Variants in SLC9A2 observed in about 807,000 individuals in gnomAD.
SLC9A2 encodes solute carrier family 9 member A2.
In SLC9A2, 42 loss-of-function variants were observed where a neutral mutation model predicts 71.7. The observed-to-expected ratio is 0.59, with a 90% confidence interval of 0.46 to 0.76. The LOEUF (loss-of-function observed/expected upper bound fraction) is 0.76, where lower values mean the gene tolerates loss of function less well. Ranked by LOEUF, SLC9A2 falls within the 30% of genes least tolerant of loss-of-function variation. The probability of loss-of-function intolerance (pLI) is 0.00; values close to 1 mark genes in which losing one functional copy is unlikely to be tolerated. For missense variants in SLC9A2, 829 were observed against 1,017.4 expected (o/e 0.81, Z 2.52); for synonymous variants, 396 against 392.5 (o/e 1.01, Z -0.10).
At chr2:102,670,301 C>A (rs528613730) in intron 3 of SLC9A2, among the ~76,000 whole-genome samples, 1 of 152,132 alleles carries the variant, frequency 6.6e-6, no homozygotes, top group South Asian at 2.1e-4. Context: ...CAGGCAGGAG[C>A]CACCACGCCC....
intron 5 of SLC9A2, among the ~76,000 whole-genome samples, chr2:102,687,620 A>G (rs1677572215): frequency 6.6e-6 from 1 of 152,206 alleles, no homozygotes; most frequent in African/African-American, 2.4e-5. Flanking sequence ...AGTTATAACT[A>G]TCTTCAAAAA....
At chr2:102,689,116 T>A (rs564216388) in intron 5 of SLC9A2, among the ~76,000 whole-genome samples, 3 of 152,188 alleles carry the variant, frequency 2.0e-5, no homozygotes, top group African/African-American at 7.2e-5. Context: ...GACTTTATTG[T>A]CCATGACAAG....
At chr2:102,672,802 T>A (rs1677280082) in intron 3 of SLC9A2, among the ~76,000 whole-genome samples, 1 of 152,210 alleles carries the variant, frequency 6.6e-6, no homozygotes, top group Admixed American at 6.5e-5. Flanking sequence ...ATATATATAT[T>A]TTGCAAATTG....
At chr2:102,679,995 C>T (rs1048623068) in intron 3 of SLC9A2, among the ~76,000 whole-genome samples, 4 of 152,108 alleles carry the variant, frequency 2.6e-5, no homozygotes, top group African/African-American at 7.2e-5. Context: ...CTGGAGAAGG[C>T]TGGGTAGTGG....
Position 102,683,450 on chromosome 2 carries a change from G to C in SLC9A2, c.1194G>C (p.Leu398=). 6.2e-7 allele frequency: 1 copy of C among 1,614,200 alleles called. No homozygotes were observed. The highest frequency in any genetic ancestry group is 1.1e-5 in the South Asian group (1 of 91,084). Reference sequence around the variant, plus strand: ...ACTGGGCCTTCGTCTGCTTCACCCTGGCCTTCTGCCTCATGTGGCGAGCCC... The same window carrying C: ...ACTGGGCCTTCGTCTGCTTCACCCTCGCCTTCTGCCTCATGTGGCGAGCCC... ...EWNWAFVCFT[L]AFCLMWRALG... Residue 398 remains leucine, a synonymous_variant, in exon 4 of 12, where the codon CTG becomes CTC. Coordinates refer to ENST00000233969, the MANE Select transcript of SLC9A2 (RefSeq NM_003048.6).
In SLC9A2 at chr2:102,694,412, A is replaced by C; in HGVS notation, c.1426-2A>C. 7.1e-7 allele frequency: 1 copy of C among 1,400,302 alleles called. No individual in the cohort carries two copies. The highest frequency in any genetic ancestry group is 9.7e-7 in the Non-Finnish European group (1 of 1,034,334). 86.7% of individuals were successfully genotyped at this position (1,400,302 alleles called of 1,614,324 possible). On this transcript the variant is annotated splice_acceptor_variant, in intron 5 of 11. Transcript: ENST00000233969. LOFTEE classifies it high-confidence loss of function. ...AATGCTTAAATTGTGTTTCCTGTTCAGGGAATAACTATTCGACCACTGGTG... is the reference window on the plus strand; with the variant it reads ...AATGCTTAAATTGTGTTTCCTGTTCCGGGAATAACTATTCGACCACTGGTG...
chr2:102,664,964 C>A, intron 2 of SLC9A2, 136 bp from the exon 3 acceptor site: 1 of 908,190 alleles, frequency 1.1e-6, no homozygotes, highest in Non-Finnish European at 1.7e-6. Context: ...AATGAATACA[C>A]AATGATTGTC....
At chr2:102,620,261 A>G (rs1676109545) in intron 1 of SLC9A2, 124 bp downstream of exon 1, 1 of 778,754 alleles carries the variant, frequency 1.3e-6, no homozygotes, top group Admixed American at 3.3e-5. Context: ...GGCAGGGACG[A>G]CAGATGGAGC....
At chr2:102,641,301 G>T (rs1453911831) in intron 1 of SLC9A2, among the ~76,000 whole-genome samples, 1 of 152,082 alleles carries the variant, frequency 6.6e-6, no homozygotes, top group East Asian at 1.9e-4. Context: ...GAAAAGCATA[G>T]CTCTTTCCTC....
At chr2:102,638,919 T>C (rs141194319) in intron 1 of SLC9A2, among the ~76,000 whole-genome samples, 11 of 152,384 alleles carry the variant, frequency 7.2e-5, no homozygotes, top group African/African-American at 2.4e-4. Flanking sequence ...AGTGATGGCT[T>C]ATGCCCATAA....
chr2:102,624,871 T>C (rs941501083), intron 1 of SLC9A2, among the ~76,000 whole-genome samples: 1 of 152,170 alleles, frequency 6.6e-6, no homozygotes, highest in South Asian at 2.1e-4. Flanking sequence ...TATCCTGAAA[T>C]TGAAATATGA....
intron 11 of SLC9A2, among the ~76,000 whole-genome samples, chr2:102,707,369 T>C (rs1678002171): frequency 6.8e-6 from 1 of 146,934 alleles, no homozygotes; most frequent in African/African-American, 2.5e-5. Flanking sequence ...TGGCTGGTGG[T>C]AAAGGAGTGT....
Position 102,708,453 on chromosome 2 carries a change from A to C in SLC9A2, c.2403A>C (p.Gly801=). ...PRLVWRASEP[G]SRKARFGSEK... is the part of the protein sequence containing the mutation. ...TGGTCTGGAGGGCATCGGAACCTGGAAGCCGGAAAGCCCGATTTGGGAGTG... is the reference window on the plus strand; with the variant it reads ...TGGTCTGGAGGGCATCGGAACCTGGCAGCCGGAAAGCCCGATTTGGGAGTG... The change falls in exon 12 of 12, where the codon GGA becomes GGC. Residue 801 remains glycine (G), a synonymous_variant. Transcript: ENST00000233969. 3 of 1,614,132 alleles carry C rather than the reference A, an allele frequency of 1.9e-6. No homozygotes were observed. The highest frequency in any genetic ancestry group is 2.5e-6 in the Non-Finnish European group (3 of 1,180,010).
chr2:102,648,229 C>G (rs1676763954), intron 1 of SLC9A2, among the ~76,000 whole-genome samples: 1 of 152,124 alleles, frequency 6.6e-6, no homozygotes, highest in Non-Finnish European at 1.5e-5. Flanking sequence ...TAAACAGAAC[C>G]AATGACAAAA....
chr2:102,627,966 C>T (rs1171348752), intron 1 of SLC9A2, among the ~76,000 whole-genome samples: 4 of 152,132 alleles, frequency 2.6e-5, no homozygotes, highest in Non-Finnish European at 4.4e-5. Flanking sequence ...AAAGTGACAT[C>T]AGTCTTATTA....
In SLC9A2 at chr2:102,694,521, G is replaced by A. The variant is rs1475192830; in HGVS notation, c.1515+18G>A. ...ATTGTCGGGTAGGTGTTAAGAGAGT[G>A]TAATAATTTTAATGATAAAGGAAAA... On this transcript the variant is annotated intron_variant, in intron 6 of 11. Transcript: ENST00000233969. 2 of 1,304,130 alleles carry A rather than the reference G, an allele frequency of 1.5e-6. No individual in the cohort carries two copies. Among genetic ancestry groups the A allele is most frequent in the African/African-American group, 1.5e-5 (1 of 68,494 alleles). 80.8% of individuals were successfully genotyped at this position (1,304,130 alleles called of 1,614,324 possible).
At chr2:102,663,759 G>A (rs1040421741) in intron 2 of SLC9A2, among the ~76,000 whole-genome samples, 1 of 152,114 alleles carries the variant, frequency 6.6e-6, no homozygotes, top group African/African-American at 2.4e-5. Flanking sequence ...GAGATTCCAG[G>A]TGCTCCCAGA....
At chr2:102,699,632 T>C (rs1020589959) in intron 7 of SLC9A2, among the ~76,000 whole-genome samples, 3 of 152,166 alleles carry the variant, frequency 2.0e-5, no homozygotes, top group South Asian at 4.1e-4. Flanking sequence ...CAACAGAAAT[T>C]GCTGATGGCG....
chr2:102,623,297 G>A (rs975080852), intron 1 of SLC9A2, among the ~76,000 whole-genome samples: 1 of 152,156 alleles, frequency 6.6e-6, no homozygotes, highest in African/African-American at 2.4e-5. Context: ...AGACTGCCAT[G>A]GGTAGAGTGA....
Sources: gnomAD v4.1 joint callset for allele counts (sites outside exome capture counted in the v4.1 genomes callset) on GRCh38, gnomAD v4.1.1 for gene constraint, MANE v1.5 for transcripts, NCBI Gene and HGNC (gene_info 2026-07-23, HGNC 2026-07-21) for gene names.